NBAS: variants seen among roughly 807,000 people sequenced by gnomAD.
NBAS encodes NAG/BC035112 fusion.
In NBAS, 219 loss-of-function variants were observed where a neutral mutation model predicts 302.5. The observed-to-expected ratio is 0.72, with a 90% confidence interval of 0.65 to 0.81. The LOEUF is 0.81. NBAS is among the 30% of genes least tolerant of loss of function. The pLI is 0.00. For synonymous variants in NBAS, 1,118 were observed against 1,021.6 expected (o/e 1.09, Z -1.80); for missense variants, 2,932 against 2,841.6 (o/e 1.03, Z -0.72).
chr2:15,488,935 G>C lies in NBAS; in HGVS notation c.1042C>G (p.Pro348Ala), dbSNP rs760908415. 1.2e-6 allele frequency: 2 copies of C among 1,613,872 alleles called. No individual in the cohort carries two copies. Among genetic ancestry groups the C allele is most frequent in the Non-Finnish European group, 1.7e-6 (2 of 1,179,840 alleles). ...CATTCCCCTTGTTGCTTCAGAGATGGAATCGCCCAGATGCTCAGTTTCCCT... is the reference window on the plus strand; with the variant it reads ...CATTCCCCTTGTTGCTTCAGAGATGCAATCGCCCAGATGCTCAGTTTCCCT... Reference protein sequence around the residue: ...FSGKLSIWAIPSLKQQGEWGQ... With the variant: ...FSGKLSIWAIASLKQQGEWGQ... The change falls in exon 12 of 52, where the codon CCA (proline) becomes GCA (alanine). Residue 348 changes from proline (P) to alanine (A), a missense_variant. Coordinates refer to ENST00000281513, the MANE Select transcript of NBAS (RefSeq NM_015909.4).
the NBAS span, among the ~76,000 whole-genome samples, chr2:14,875,945 A>G: frequency 6.6e-6 from 1 of 152,220 alleles, no homozygotes; most frequent in Non-Finnish European, 1.5e-5. Context: ...CATCAGGCAT[A>G]GCAGCTGCAG....
the NBAS span, among the ~76,000 whole-genome samples, chr2:14,794,267 G>A: frequency 6.6e-6 from 1 of 152,056 alleles, no homozygotes; most frequent in African/African-American, 2.4e-5. Context: ...CCTTAACTTT[G>A]GCAAATAAAC....
At chr2:14,953,794 A>C in the NBAS span, among the ~76,000 whole-genome samples, 3 of 152,334 alleles carry the variant, frequency 2.0e-5, no homozygotes, top group South Asian at 6.2e-4. Flanking sequence ...CTTTCGTTAG[A>C]GTTGGTGGCA....
At chr2:15,247,612 C>T (rs1668152419) in intron 44 of NBAS, among the ~76,000 whole-genome samples, 1 of 151,578 alleles carries the variant, frequency 6.6e-6, no homozygotes, top group African/African-American at 2.4e-5. Context: ...TCAAAAGAGA[C>T]AAAGAAGGGC....
chr2:15,233,047 A>C (rs1286916262), intron 46 of NBAS, among the ~76,000 whole-genome samples: 1 of 152,190 alleles, frequency 6.6e-6, no homozygotes, highest in African/African-American at 2.4e-5. Context: ...CAGAGAAAAA[A>C]AATATTTTCG....
the NBAS span, among the ~76,000 whole-genome samples, chr2:15,100,470 A>G: frequency 6.6e-6 from 1 of 152,202 alleles, no homozygotes; most frequent in Non-Finnish European, 1.5e-5. Context: ...TATAACAGGA[A>G]AAGGGAAATT....
the NBAS span, among the ~76,000 whole-genome samples, chr2:14,944,867 G>T: frequency 7.2e-5 from 11 of 152,130 alleles, no homozygotes; most frequent in African/African-American, 2.7e-4. Flanking sequence ...TACCGGAAAT[G>T]GTGATTGCCC....
At chr2:15,262,177 G>A (rs116239527) in intron 44 of NBAS, among the ~76,000 whole-genome samples, 108 of 152,310 alleles carry the variant, frequency 7.1e-4, no homozygotes, top group Non-Finnish European at 9.0e-4. Flanking sequence ...CTATCTGGAT[G>A]GATGTGAATC....
chr2:15,046,613 A>AT, the NBAS span, among the ~76,000 whole-genome samples: 4 of 152,050 alleles, frequency 2.6e-5, no homozygotes, highest in African/African-American at 7.2e-5. Flanking sequence ...TATTTTATAT[A>AT]TTTTTTTGCC....
At chr2:15,020,392 T>C in the NBAS span, among the ~76,000 whole-genome samples, 6 of 152,150 alleles carry the variant, frequency 3.9e-5, no homozygotes, top group African/African-American at 1.4e-4. Flanking sequence ...TGGTGAATGG[T>C]GAGCAAAGAT....
At chr2:14,863,004 G>C in the NBAS span, among the ~76,000 whole-genome samples, 6 of 152,224 alleles carry the variant, frequency 3.9e-5, no homozygotes, top group Non-Finnish European at 7.3e-5. Context: ...TGACACATCA[G>C]TGGCATGTTT....
intron 28 of NBAS, among the ~76,000 whole-genome samples, 191 bp downstream of exon 28, chr2:15,394,036 T>C (rs909511712): frequency 6.6e-6 from 1 of 152,132 alleles, no homozygotes; most frequent in African/African-American, 2.4e-5. Flanking sequence ...TGGATGTGTT[T>C]ATTATCTTAA....
chr2:14,828,943 A>G, the NBAS span, among the ~76,000 whole-genome samples: 1 of 152,220 alleles, frequency 6.6e-6, no homozygotes, highest in Non-Finnish European at 1.5e-5. Context: ...TTTGGATGAT[A>G]GAAACAGATT....
intron 44 of NBAS, among the ~76,000 whole-genome samples, chr2:15,244,329 C>T (rs1247777391): frequency 6.6e-6 from 1 of 152,162 alleles, no homozygotes; most frequent in East Asian, 1.9e-4. Context: ...AAGCACTCCT[C>T]ATGTGGCCCA....
At chr2:14,847,268 A>C in the NBAS span, among the ~76,000 whole-genome samples, 2 of 151,588 alleles carry the variant, frequency 1.3e-5, no homozygotes, top group African/African-American at 4.9e-5. Context: ...CTGTAGTCCC[A>C]GCTACTTGGG....
At chr2:14,820,683 A>G in the NBAS span, among the ~76,000 whole-genome samples, 1 of 152,222 alleles carries the variant, frequency 6.6e-6, no homozygotes, top group African/African-American at 2.4e-5. Flanking sequence ...AAATTCCTCA[A>G]TGTGAGAAAC....
the NBAS span, among the ~76,000 whole-genome samples, chr2:14,780,657 T>C: frequency 1.3e-5 from 2 of 152,234 alleles, no homozygotes; most frequent in Non-Finnish European, 2.9e-5. Flanking sequence ...GGATGAACCA[T>C]TCTGTTTTTG....
intron 44 of NBAS, among the ~76,000 whole-genome samples, chr2:15,242,320 C>A (rs1478756830): frequency 6.6e-6 from 1 of 152,070 alleles, no homozygotes; most frequent in African/African-American, 2.4e-5. Flanking sequence ...ACTATGTAAC[C>A]TGACACTGAA....
the NBAS span, among the ~76,000 whole-genome samples, chr2:14,981,595 T>C: frequency 1.3e-5 from 2 of 152,244 alleles, no homozygotes; most frequent in Non-Finnish European, 2.9e-5. Context: ...CCTAGCCCTC[T>C]TTGTATCTGG....
Sources: gnomAD v4.1 joint callset for allele counts (sites outside exome capture counted in the v4.1 genomes callset) on GRCh38, gnomAD v4.1.1 for gene constraint, MANE v1.5 for transcripts, NCBI Gene and HGNC (gene_info 2026-07-23, HGNC 2026-07-21) for gene names.